Variants in PCDHGB3 observed in about 807,000 individuals in gnomAD.
The protein encoded by PCDHGB3 is protocadherin gamma subfamily B, 3.
Under a neutral mutation model 59.2 loss-of-function variants are expected in PCDHGB3, and 40 were observed. That is an observed-to-expected ratio of 0.68 (90% CI 0.52 to 0.88). The LOEUF (loss-of-function observed/expected upper bound fraction) is 0.88. PCDHGB3 is among the 40% of genes least tolerant of loss of function. PCDHGB3 has a pLI of 0.00. For synonymous variants in PCDHGB3, 581 were observed against 503.6 expected (o/e 1.15, Z -2.06); for missense variants, 1,309 against 1,187.9 (o/e 1.10, Z -1.50).
intron 1 of PCDHGB3, chr5:141,391,723 C>CT (rs1366104842): frequency 6.6e-6 from 1 of 152,126 alleles, no homozygotes; most frequent in African/African-American, 2.4e-5. Flanking sequence ...GGGAAACAGA[C>CT]TTTTTTGTAG....
intron 1 of PCDHGB3, chr5:141,441,448 A>T (rs1415765869): frequency 1.2e-5 from 2 of 161,528 alleles, no homozygotes; most frequent in Non-Finnish European, 2.7e-5. Context: ...CAGCCCAAGC[A>T]TCACCCTACT....
At chr5:141,408,045 A>G (rs544263424) in intron 1 of PCDHGB3, 8 of 1,236,658 alleles carry the variant, frequency 6.5e-6, no homozygotes, top group Admixed American at 3.0e-5. Flanking sequence ...CAGCTCCCAC[A>G]CAGAGCCTCC....
In PCDHGB3 at chr5:141,389,412, G is replaced by A. The variant is rs1039259671; in HGVS notation, c.2415+16603G>A. 5 of 1,613,588 alleles carry A rather than the reference G, an allele frequency of 3.1e-6. No individual in the cohort carries two copies. Among genetic ancestry groups the A allele is most frequent in the Admixed American group, 3.3e-5 (2 of 60,038 alleles). On this transcript the variant is annotated intron_variant, in intron 1 of 3. Transcript: ENST00000576222. ...CTACGTGTCCATAAGCGCGGAGAGC[G>A]GGGTGGTGTTCGCGCAGCGCGCCTT...
intron 1 of PCDHGB3, chr5:141,393,217 T>C (rs760159490): frequency 1.2e-6 from 2 of 1,613,564 alleles, no homozygotes; most frequent in Admixed American, 3.3e-5. Flanking sequence ...AAATTCCAGG[T>C]CGAAGATCTA....
rs1385144710 is a variant in PCDHGB3 at position 141,399,080 on chromosome 5, G to C, written c.2415+26271G>C. 1 of 1,613,696 alleles carries C rather than the reference G, an allele frequency of 6.2e-7. No homozygotes were observed. On this transcript the variant is annotated intron_variant, in intron 1 of 3. Transcript: ENST00000576222. ...GAATATTCAATGGTTGTAGAAGGGA[G>C]GGATGGTGGTGGACTGGTTGCACAA...
chr5:141,370,806 A>C lies in PCDHGB3; in HGVS notation c.412A>C (p.Thr138Pro). ...DNPPTFSQNI[T>P]ELEISELALT... Reference sequence around the variant, plus strand: ...CCCACCGACCTTTAGCCAAAATATCACTGAGCTGGAAATCAGCGAACTGGC... The same window carrying C: ...CCCACCGACCTTTAGCCAAAATATCCCTGAGCTGGAAATCAGCGAACTGGC... The change falls in exon 1 of 4, where the codon ACT (threonine) becomes CCT (proline). Residue 138 changes from threonine (T) to proline (P), a missense_variant. Thr to Pro is a conservative substitution (Grantham distance 38). Coordinates refer to ENST00000576222, the MANE Select transcript of PCDHGB3 (RefSeq NM_018924.5). 6.2e-7 allele frequency: 1 copy of C among 1,614,054 alleles called. No individual in the cohort carries two copies. Among genetic ancestry groups the C allele is most frequent in the Non-Finnish European group, 8.5e-7 (1 of 1,179,894 alleles).
rs746838072 is a variant in PCDHGB3 at position 141,486,116 on chromosome 5, T to A, written c.2416-8691T>A. ...GCCCCTAGACTTTGAGAGTGAGAATTACTATGAATTTGATGTGCGGGCTCG... is the reference window on the plus strand; with the variant it reads ...GCCCCTAGACTTTGAGAGTGAGAATAACTATGAATTTGATGTGCGGGCTCG... On this transcript the variant is annotated intron_variant, in intron 1 of 3. Coordinates refer to ENST00000576222, the MANE Select transcript of PCDHGB3 (RefSeq NM_018924.5). This position sits in a 1 kb window ranked among gnomAD's most constrained non-coding sequence, Gnocchi z 5.0. 1.1e-5 allele frequency: 17 copies of A among 1,613,638 alleles called. No homozygotes were observed. Among genetic ancestry groups the A allele is most frequent in the Non-Finnish European group, 1.4e-5 (17 of 1,179,610 alleles).
At chr5:141,438,303 T>G (rs2097949191) in intron 1 of PCDHGB3, among the ~76,000 whole-genome samples, 1 of 152,068 alleles carries the variant, frequency 6.6e-6, no homozygotes, top group African/African-American at 2.4e-5. Flanking sequence ...TAAAAGAAGT[T>G]GGTACCACCA....
At position 141,491,735 on chromosome 5, in the gene PCDHGB3, G is replaced by C. The variant is rs765837152; in HGVS notation, c.2416-3072G>C. ...TCGGCGCCGCCCCGGGCGACCCCTG[G>C]GGGCGGCACTGGAGAAGCCGCCCGT... On this transcript the variant is annotated intron_variant, in intron 1 of 3. Coordinates refer to ENST00000576222, the MANE Select transcript of PCDHGB3 (RefSeq NM_018924.5). The surrounding 1 kb of genome is among the most constrained non-coding windows in gnomAD (Gnocchi z 6.9). 2.5e-6 allele frequency: 4 copies of C among 1,601,968 alleles called. No homozygotes were observed. In the South Asian group the frequency reaches 4.4e-5, roughly 18 times the overall value.
intron 1 of PCDHGB3, among the ~76,000 whole-genome samples, chr5:141,455,243 A>G (rs945218710): frequency 1.3e-5 from 2 of 152,146 alleles, no homozygotes; most frequent in Non-Finnish European, 2.9e-5. Flanking sequence ...GTTAAAGGTC[A>G]TAGTACAATC....
At position 141,483,010 on chromosome 5, in the gene PCDHGB3, G is replaced by A. The variant is rs574078222; in HGVS notation, c.2416-11797G>A. Among the ~76,000 whole-genome samples the A allele has an allele frequency of 1.3e-3, 204 of 152,122 alleles. 1 individual carries two copies. Among genetic ancestry groups the A allele is most frequent in the African/African-American group, 4.0e-3 (168 of 41,498 alleles). On this transcript the variant is annotated intron_variant, in intron 1 of 3. Coordinates refer to ENST00000576222, the MANE Select transcript of PCDHGB3 (RefSeq NM_018924.5). Reference sequence around the variant, plus strand: ...CGAGGCAGGAGAATTGCTTGAACCCGGGAGGCAGAGGTTGCAATGAGCTGG... The same window carrying A: ...CGAGGCAGGAGAATTGCTTGAACCCAGGAGGCAGAGGTTGCAATGAGCTGG...
At chr5:141,384,417 C>CATGGAG (rs1451567690) in intron 1 of PCDHGB3, 1 of 1,613,844 alleles carries the variant, frequency 6.2e-7, no homozygotes, top group East Asian at 2.2e-5. Flanking sequence ...CCTATGTCTC[C>CATGGAG]ATAAACTCTG....
chr5:141,432,934 G>GC lies in PCDHGB3; in HGVS notation c.2415+60126dup. On this transcript the variant is annotated intron_variant, in intron 1 of 3. Transcript: ENST00000576222. The surrounding 1 kb of genome is among the most constrained non-coding windows in gnomAD (Gnocchi z 6.0). ...GGCGCTGGCACAAGTCACGCCTGCT[G>GC]CAGGCTTCAGGAGGCGGCTTGACAG... The GC allele has an allele frequency of 6.2e-7, 1 of 1,614,196 alleles. No individual in the cohort carries two copies. Among genetic ancestry groups the GC allele is most frequent in the Non-Finnish European group, 8.5e-7 (1 of 1,180,040 alleles).
chr5:141,447,058 G>A (rs1356080567), intron 1 of PCDHGB3, among the ~76,000 whole-genome samples: 1 of 152,068 alleles, frequency 6.6e-6, no homozygotes, highest in Non-Finnish European at 1.5e-5. Flanking sequence ...ATTAAAATGT[G>A]TCAGGCTGTT....
chr5:141,388,402 G>C, intron 1 of PCDHGB3: 1 of 1,613,972 alleles, frequency 6.2e-7, no homozygotes, highest in Non-Finnish European at 8.5e-7. Context: ...TACCAACTCA[G>C]TCCCAGTGAT....
At chr5:141,409,448 C>T in intron 1 of PCDHGB3, 1 of 1,613,546 alleles carries the variant, frequency 6.2e-7, no homozygotes, top group Non-Finnish European at 8.5e-7. Context: ...AGAGCAGACA[C>T]CAGAATACAA....
chr5:141,393,486 A>G, intron 1 of PCDHGB3: 1 of 1,614,082 alleles, frequency 6.2e-7, no homozygotes. Flanking sequence ...TCGCTCTAGC[A>G]CAGTGCGCAT....
intron 1 of PCDHGB3, chr5:141,393,900 G>A (rs1048161107): frequency 3.7e-6 from 6 of 1,613,906 alleles, no homozygotes; most frequent in South Asian, 1.1e-5. Flanking sequence ...TTCTCTTCCC[G>A]GGACAGTAAT....
chr5:141,421,307 T>C, intron 1 of PCDHGB3: 10 of 1,613,674 alleles, frequency 6.2e-6, no homozygotes, highest in Non-Finnish European at 8.5e-6. Context: ...CTGCGGGGGT[T>C]CCGGGCCAGG....
Sources: allele counts gnomAD v4.1 joint callset (sites outside exome capture counted in the v4.1 genomes callset), GRCh38; gene constraint gnomAD v4.1.1; non-coding constraint Gnocchi (gnomAD v3.1); transcripts MANE v1.5; gene names NCBI Gene and HGNC (gene_info 2026-07-23, HGNC 2026-07-21).